Variants in CCDC171 observed in about 807,000 individuals in gnomAD.
CCDC171 encodes coiled-coil domain-containing protein 171.
CCDC171 carries 177 observed loss-of-function variants against 168.2 expected under a neutral mutation model. The observed-to-expected ratio is 1.05, with a 90% CI of 0.93 to 1.19. The LOEUF (loss-of-function observed/expected upper bound fraction) is 1.19. CCDC171 is among the 50% of genes most tolerant of loss of function. The pLI, the probability that CCDC171 is intolerant of heterozygous loss-of-function variation, is 0.00. For synonymous variants in CCDC171, 687 were observed against 540.8 expected, an observed-to-expected ratio of 1.27 and a Z score of -3.75; for missense variants, 1,991 against 1,539.0, an observed-to-expected ratio of 1.29 and a Z score of -4.91.
intron 11 of CCDC171, among the ~76,000 whole-genome samples, chr9:15,716,996 A>G (rs1588118910): frequency 1.3e-5 from 2 of 152,196 alleles, no homozygotes; most frequent in East Asian, 3.8e-4. Context: ...ACAGTTACGT[A>G]GGCAAAAAAA....
In CCDC171 at chr9:15,654,573, C is replaced by T. The variant is rs144018246; in HGVS notation, c.823-2554C>T. Among the ~76,000 whole-genome samples, 211 of 152,180 alleles carry T rather than the reference C, an allele frequency of 1.4e-3. 1 individual carries two copies. The highest frequency in any genetic ancestry group is 4.3e-3 in the African/African-American group (177 of 41,518). On this transcript the variant is annotated intron_variant, in intron 7 of 25. Coordinates refer to ENST00000380701, the MANE Select transcript of CCDC171 (RefSeq NM_173550.4). ...ATTTCTATTTCTTTTCATTGTGATCCATTACCATCTTTGTCTGTAAACAAA... is the reference window on the plus strand; with the variant it reads ...ATTTCTATTTCTTTTCATTGTGATCTATTACCATCTTTGTCTGTAAACAAA...
chr9:15,597,251 T>A (rs2042443132), intron 6 of CCDC171, among the ~76,000 whole-genome samples: 1 of 152,162 alleles, frequency 6.6e-6, no homozygotes, highest in South Asian at 2.1e-4. Flanking sequence ...CTTCCAGTTT[T>A]TGCCCATTCA....
At position 15,724,995 on chromosome 9, in the gene CCDC171, T is replaced by G. The variant is rs750358610; in HGVS notation, c.1692+19T>G. The G allele has an allele frequency of 1.3e-6, 2 of 1,589,346 alleles. No individual in the cohort carries two copies. Among genetic ancestry groups the G allele is most frequent in the Non-Finnish European group, 1.7e-6 (2 of 1,157,758 alleles). On this transcript the variant is annotated intron_variant, in intron 14 of 25. Transcript: ENST00000380701. ...TGCAGAGGTATTACCTGAGACTCAA[T>G]GACTGTCAGGAAGGGCCTTTCACTA...
intron 25 of CCDC171, among the ~76,000 whole-genome samples, chr9:15,949,056 C>A (rs1335233969): frequency 6.6e-6 from 1 of 152,184 alleles, no homozygotes; most frequent in South Asian, 2.1e-4. Flanking sequence ...GCCAGTTTTC[C>A]CAGCACCATT....
chr9:15,785,900 T>G (rs1329696435), intron 21 of CCDC171, among the ~76,000 whole-genome samples: 1 of 152,082 alleles, frequency 6.6e-6, no homozygotes, highest in African/African-American at 2.4e-5. Context: ...TTTTTTTTTT[T>G]GTTTAAATTT....
intron 23 of CCDC171, 134 bp from the exon 24 acceptor site, chr9:15,874,398 A>C: frequency 1.6e-6 from 1 of 626,654 alleles, no homozygotes. Flanking sequence ...AAAATCAATT[A>C]GTCCTAAATT....
chr9:16,043,790 C>A (rs1418316831), intron 1 of CCDC171, among the ~76,000 whole-genome samples: 1 of 152,134 alleles, frequency 6.6e-6, no homozygotes, highest in Non-Finnish European at 1.5e-5. Flanking sequence ...AGAGAGATTT[C>A]AAAAAATCAA....
At chr9:15,952,042 A>G (rs762330162) in intron 25 of CCDC171, among the ~76,000 whole-genome samples, 3 of 152,148 alleles carry the variant, frequency 2.0e-5, no homozygotes, top group African/African-American at 4.8e-5. Flanking sequence ...ATTTGTGTAC[A>G]TAGTGTTCTT....
At chr9:15,994,926 T>G (rs1452045257) in intron 3 of CCDC171, among the ~76,000 whole-genome samples, 1 of 152,224 alleles carries the variant, frequency 6.6e-6, no homozygotes, top group Non-Finnish European at 1.5e-5. Context: ...ATTTTTCTCC[T>G]TCAAAGTGGA....
chr9:15,690,982 C>T (rs923568769), intron 10 of CCDC171, among the ~76,000 whole-genome samples: 4 of 152,058 alleles, frequency 2.6e-5, no homozygotes, highest in East Asian at 1.9e-4. Context: ...ATGCTCATAC[C>T]GTTCATGGTA....
chr9:15,913,495 A>G (rs1195524633), intron 24 of CCDC171, among the ~76,000 whole-genome samples: 1 of 152,024 alleles, frequency 6.6e-6, no homozygotes, highest in Non-Finnish European at 1.5e-5. Flanking sequence ...GGATTCATTG[A>G]GTTTTTGAAG....
At chr9:16,053,712 G>A (rs1556045) in intron 1 of CCDC171, among the ~76,000 whole-genome samples, 97,742 of 152,172 alleles carry the variant, frequency 0.64, 34,445 homozygotes, top group East Asian at 0.89. Context: ...GTGTGGGGCC[G>A]GAGAAAGCTC....
At chr9:15,888,750 A>G (rs1819777696) in intron 24 of CCDC171, among the ~76,000 whole-genome samples, 1 of 152,028 alleles carries the variant, frequency 6.6e-6, no homozygotes, top group South Asian at 2.1e-4. Flanking sequence ...ATTTTTCATC[A>G]TTCAGACCCA....
At chr9:15,961,539 AACTGTAAATATG>A (rs1257316962) in intron 25 of CCDC171, among the ~76,000 whole-genome samples, 1 of 152,156 alleles carries the variant, frequency 6.6e-6, no homozygotes, top group Admixed American at 6.6e-5. Context: ...CTCAATGTAA[AACTGTAAATATG>A]ACTTAGATAA....
intron 3 of CCDC171, among the ~76,000 whole-genome samples, chr9:16,007,656 G>A (rs547053848): frequency 2.0e-5 from 3 of 152,144 alleles, no homozygotes; most frequent in African/African-American, 7.2e-5. Flanking sequence ...CATATGGCTA[G>A]CCAGTTTTCC....
At chr9:15,982,438 C>G (rs927785530) in intron 3 of CCDC171, among the ~76,000 whole-genome samples, 1 of 152,112 alleles carries the variant, frequency 6.6e-6, no homozygotes, top group Non-Finnish European at 1.5e-5. Flanking sequence ...ATTTAGCACA[C>G]AGCCAAATGG....
chr9:16,094,599 A>G, the CCDC171 span, among the ~76,000 whole-genome samples: 1 of 152,166 alleles, frequency 6.6e-6, no homozygotes, highest in Non-Finnish European at 1.5e-5. Context: ...GTTATTTGGG[A>G]AAGTGGTAGG....
chr9:15,910,013 G>C (rs140467746), intron 24 of CCDC171, among the ~76,000 whole-genome samples: 134 of 152,126 alleles, frequency 8.8e-4, no homozygotes, highest in African/African-American at 3.1e-3. Flanking sequence ...TCCATGTGTA[G>C]CCATTGTTTA....
chr9:15,732,115 C>T (rs1159212078), intron 16 of CCDC171, among the ~76,000 whole-genome samples: 1 of 151,970 alleles, frequency 6.6e-6, no homozygotes, highest in Admixed American at 6.6e-5. Context: ...GTATATGCAT[C>T]ACAATATTTT....
Sources: allele counts gnomAD v4.1 joint callset (sites outside exome capture counted in the v4.1 genomes callset), GRCh38; gene constraint gnomAD v4.1.1; transcripts MANE v1.5; gene names NCBI Gene and HGNC (gene_info 2026-07-23, HGNC 2026-07-21).